ZPBP: variants seen among roughly 807,000 people sequenced by gnomAD.
ZPBP encodes the protein zona pellucida-binding protein 1.
A neutral mutation model predicts 44.8 loss-of-function variants in ZPBP; 26 were observed. The observed-to-expected ratio is 0.58, with a 90% confidence interval of 0.43 to 0.81. The LOEUF is 0.81. Ranked by LOEUF, ZPBP falls within the 30% of genes least tolerant of loss-of-function variation. The pLI is 0.00. For missense variants in ZPBP, 409 were observed against 434.0 expected (o/e 0.94, Z 0.51); for synonymous variants, 174 against 153.2 (o/e 1.14, Z -1.00).
intron 4 of ZPBP, among the ~76,000 whole-genome samples, chr7:50,050,513 T>C (rs540048843): frequency 1.3e-5 from 2 of 152,042 alleles, no homozygotes; most frequent in Admixed American, 6.6e-5. Context: ...AATAACCTTT[T>C]CAGGAAATAA....
In ZPBP at chr7:50,077,983, G is replaced by A. The variant is rs554607478; in HGVS notation, c.334+3791C>T. Among the ~76,000 whole-genome samples, 8 of 151,800 alleles carry A rather than the reference G, an allele frequency of 5.3e-5. No individual in the cohort carries two copies. The East Asian group carries it at 1.5e-3, about 29-fold the overall frequency. ...TGCTTACAATAGCTAAGATTTAGAA[G>A]CAAACTACATGTCCATCAGCAGATG... On this transcript the variant is annotated intron_variant, in intron 3 of 7. Coordinates refer to ENST00000046087, the MANE Select transcript of ZPBP (RefSeq NM_007009.3).
At chr7:50,051,306 G>C (rs1800682598) in intron 4 of ZPBP, among the ~76,000 whole-genome samples, 1 of 152,156 alleles carries the variant, frequency 6.6e-6, no homozygotes, top group Non-Finnish European at 1.5e-5. Context: ...AGGTTGAGGA[G>C]AAACAGGAAC....
At chr7:49,937,651 G>C (rs374194783) in intron 7 of ZPBP, 29 bp from the exon 8 acceptor site, 1 of 1,534,994 alleles carries the variant, frequency 6.5e-7, no homozygotes, top group Non-Finnish European at 9.0e-7. Context: ...TTAATAAGTA[G>C]TATTTTCCTA....
intron 6 of ZPBP, among the ~76,000 whole-genome samples, chr7:49,997,715 C>T (rs1797911419): frequency 6.6e-6 from 1 of 152,112 alleles, no homozygotes; most frequent in Non-Finnish European, 1.5e-5. Context: ...AGGGAGGCCC[C>T]ACTGTAGGTG....
chr7:49,973,261 CAGAAAAGT>C (rs1796373068), intron 7 of ZPBP, among the ~76,000 whole-genome samples: 3 of 149,898 alleles, frequency 2.0e-5, no homozygotes, highest in Admixed American at 2.0e-4. Flanking sequence ...GACTTTCCCC[CAGAAAAGT>C]CTGATGACAC....
intron 3 of ZPBP, among the ~76,000 whole-genome samples, chr7:50,067,159 G>A (rs796311038): frequency 6.6e-6 from 1 of 151,968 alleles, no homozygotes; most frequent in African/African-American, 2.4e-5. Context: ...TCTTTTGCAT[G>A]GCCATACTTA....
rs909752136 is a variant in ZPBP, at chr7:49,917,925, T to A, written n.412-16710A>T. ...AATTCTATTTTCATTTCTATTAGTT[T>A]TCAGGGTTTATTCTTTTCCTAAGCA... On this transcript the variant is annotated intron_variant and non_coding_transcript_variant, in intron 1 of 2. Coordinates refer to the ZPBP transcript ENST00000465922. 14 of 152,308 alleles carry A rather than the reference T, an allele frequency of 9.2e-5. No individual in the cohort carries two copies. The South Asian group carries it at 2.9e-3, about 32-fold the overall frequency. 9.4% of individuals were successfully genotyped at this position (152,308 alleles called of 1,614,324 possible).
intron 6 of ZPBP, among the ~76,000 whole-genome samples, chr7:49,991,787 G>A (rs1054970958): frequency 6.6e-6 from 1 of 151,934 alleles, no homozygotes; most frequent in Non-Finnish European, 1.5e-5. Context: ...GGAAAAATAT[G>A]TCTATTTTTA....
intron 4 of ZPBP, among the ~76,000 whole-genome samples, chr7:50,040,810 C>A (rs1374289599): frequency 2.0e-5 from 3 of 152,212 alleles, no homozygotes; most frequent in South Asian, 4.2e-4. Context: ...GAGACAGAAC[C>A]ATTCACTCCC....
At chr7:49,984,010 A>G (rs2128782547) in intron 6 of ZPBP, among the ~76,000 whole-genome samples, 1 of 152,310 alleles carries the variant, frequency 6.6e-6, no homozygotes, top group Middle Eastern at 3.4e-3. Context: ...CTGATCTATA[A>G]TTATCTTTAT....
At chr7:49,850,623 T>C (rs1489163911) in intron 2 of ZPBP, 1 of 152,210 alleles carries the variant, frequency 6.6e-6, no homozygotes, top group Non-Finnish European at 1.5e-5. Flanking sequence ...TCTAATTTCA[T>C]ATTACCTAAA....
chr7:50,059,203 T>G (rs1403640785), intron 3 of ZPBP, among the ~76,000 whole-genome samples: 1 of 152,226 alleles, frequency 6.6e-6, no homozygotes, highest in East Asian at 1.9e-4. Flanking sequence ...GTAAATGATT[T>G]ATTGCTTATA....
intron 3 of ZPBP, among the ~76,000 whole-genome samples, chr7:50,059,060 T>C (rs900977370): frequency 4.6e-5 from 7 of 152,248 alleles, no homozygotes; most frequent in Admixed American, 1.3e-4. Flanking sequence ...AAATCTGTTA[T>C]TCTGAAAGTT....
chr7:50,046,197 G>T (rs1800348858), intron 4 of ZPBP, among the ~76,000 whole-genome samples: 2 of 152,138 alleles, frequency 1.3e-5, no homozygotes, highest in Admixed American at 1.3e-4. Flanking sequence ...AAAAATCCTA[G>T]AAGAAAATCT....
At position 49,937,597 on chromosome 7, in the gene ZPBP, G is replaced by A; in HGVS notation, c.987C>T (p.Asn329=). The change falls in exon 8 of 8, where the codon AAC becomes AAT. Residue 329 remains asparagine (N), a synonymous_variant. Coordinates refer to ENST00000046087, the MANE Select transcript of ZPBP (RefSeq NM_007009.3). ...CCVICSPGSY[N]PRDGIHCLQC... is the part of the protein sequence containing the mutation. Reference sequence around the variant, plus strand: ...GAAGGCAATGAATTCCATCACGGGGGTTATATGATCCAGGGCTGCAGATCA... The same window carrying A: ...GAAGGCAATGAATTCCATCACGGGGATTATATGATCCAGGGCTGCAGATCA... 6.2e-7 allele frequency: 1 copy of A among 1,613,806 alleles called. No homozygotes were observed. Among genetic ancestry groups the A allele is most frequent in the Non-Finnish European group, 8.5e-7 (1 of 1,179,808 alleles).
At chr7:50,089,008 C>G (rs941253429) in intron 2 of ZPBP, among the ~76,000 whole-genome samples, 3 of 151,972 alleles carry the variant, frequency 2.0e-5, no homozygotes, top group Non-Finnish European at 4.4e-5. Flanking sequence ...TAGTGTATGA[C>G]TCCATTTATA....
downstream of ZPBP, among the ~76,000 whole-genome samples, chr7:49,933,328 G>A (rs1211473196): frequency 6.6e-6 from 1 of 152,100 alleles, no homozygotes; most frequent in Non-Finnish European, 1.5e-5. Context: ...CAAATTTCCT[G>A]TAATTAATAC....
At chr7:50,001,533 C>A (rs1798094294) in intron 6 of ZPBP, among the ~76,000 whole-genome samples, 1 of 152,094 alleles carries the variant, frequency 6.6e-6, no homozygotes. Context: ...TTACTGAGAA[C>A]TTCTGCCTCT....
intron 2 of ZPBP, among the ~76,000 whole-genome samples, chr7:49,879,663 G>C (rs1480488866): frequency 1.3e-5 from 2 of 152,102 alleles, no homozygotes; most frequent in Non-Finnish European, 1.5e-5. Context: ...TTGTACTGCA[G>C]TTTTTGTGAT....
Sources: gnomAD v4.1 joint callset for allele counts (sites outside exome capture counted in the v4.1 genomes callset) on GRCh38, gnomAD v4.1.1 for gene constraint, MANE v1.5 for transcripts, NCBI Gene and HGNC (gene_info 2026-07-23, HGNC 2026-07-21) for gene names.